Variants in SP3 observed in about 807,000 individuals in gnomAD.
SP3 encodes Sp3 transcription factor.
In SP3, 10 loss-of-function variants were observed where a neutral mutation model predicts 70.3. The observed-to-expected ratio is 0.14, with a 90% confidence interval of 0.09 to 0.24. SP3 has a LOEUF of 0.24. Among genes scored for constraint, SP3 ranks in the 10% least tolerant of loss-of-function variants. The pLI is 1.00. For missense variants in SP3, 825 were observed against 914.6 expected (o/e 0.90, Z 1.26); for synonymous variants, 402 against 333.5 (o/e 1.21, Z -2.24).
Position 173,904,018 on chromosome 2 carries a change from G to A in SP3, c.*5923C>T, listed in dbSNP as rs1372838865. On this transcript the variant is annotated 3_prime_UTR_variant, in exon 7 of 7. Coordinates refer to ENST00000310015, the MANE Select transcript of SP3 (RefSeq NM_003111.5). ...GGGTCGGGGGGTGGGGATGGTTGTA[G>A]GATGAAACTGCTCTACCTCAGATCA... 6.6e-6 allele frequency among the ~76,000 whole-genome samples: 1 copy of A among 151,978 alleles called. No homozygotes were observed. The highest frequency in any genetic ancestry group is 2.4e-5 in the African/African-American group (1 of 41,374).
intron 4 of SP3, among the ~76,000 whole-genome samples, chr2:173,925,131 G>A (rs1226422639): frequency 2.0e-5 from 3 of 152,104 alleles, no homozygotes; most frequent in East Asian, 1.9e-4. Context: ...CAGGTGATCC[G>A]CCCACCTTGG....
intron 3 of SP3, among the ~76,000 whole-genome samples, chr2:173,958,243 C>CA (rs1252195195): frequency 1.4e-5 from 2 of 145,730 alleles, no homozygotes; most frequent in Non-Finnish European, 3.0e-5. Context: ...TTAAAAAAAA[C>CA]AAAGTCAAAT....
chr2:173,942,366 G>T (rs2105483765), intron 4 of SP3, among the ~76,000 whole-genome samples: 1 of 152,288 alleles, frequency 6.6e-6, no homozygotes, highest in South Asian at 2.1e-4. Context: ...AGAAGTTCAA[G>T]ACCAGCCTGG....
chr2:173,949,714 T>C (rs1338181630), intron 4 of SP3, among the ~76,000 whole-genome samples: 3 of 152,166 alleles, frequency 2.0e-5, no homozygotes, highest in African/African-American at 7.2e-5. Flanking sequence ...CAAAAAAAGA[T>C]AGCTACCAGT....
At chr2:173,937,232 A>G (rs1017498722) in intron 4 of SP3, among the ~76,000 whole-genome samples, 25 of 152,208 alleles carry the variant, frequency 1.6e-4, no homozygotes, top group Admixed American at 1.4e-3. Flanking sequence ...GAAAGCAGCA[A>G]AGACATTTAT....
chr2:173,902,012 C>A lies in SP3; in HGVS notation c.*7929G>T, dbSNP rs1574388854. 6.6e-6 allele frequency among the ~76,000 whole-genome samples: 1 copy of A among 152,102 alleles called. No individual in the cohort carries two copies. Among genetic ancestry groups the A allele is most frequent in the African/African-American group, 2.4e-5 (1 of 41,414 alleles). Reference sequence around the variant, plus strand: ...CAAGCCTTCTTTTCAATATTCAACTCAAGAGAGTGGTCTACTATGTGAGAA... The same window carrying A: ...CAAGCCTTCTTTTCAATATTCAACTAAAGAGAGTGGTCTACTATGTGAGAA... On this transcript the variant is annotated 3_prime_UTR_variant, in exon 7 of 7. Transcript: ENST00000310015.
Position 173,910,128 on chromosome 2 carries a change from T to C in SP3, c.2159A>G (p.Glu720Gly), listed in dbSNP as rs1275748614. 6.2e-7 allele frequency: 1 copy of C among 1,612,620 alleles called. No homozygotes were observed. The highest frequency in any genetic ancestry group is 1.7e-5 in the Admixed American group (1 of 59,918). Reference protein sequence around the residue: ...HSSSTVLASVEAARDDTLITA... With the variant: ...HSSSTVLASVGAARDDTLITA... ...AATCAAAGTATCATCTCGCGCAGCT[T>C]CCACAGATGCCAGCACTGTACTGCT... The change falls in exon 7 of 7, where the codon GAA becomes GGA. Residue 720 changes from glutamate to glycine, a missense_variant. By Grantham distance (98) the Glu-to-Gly change is moderately conservative. Coordinates refer to ENST00000310015, the MANE Select transcript of SP3 (RefSeq NM_003111.5).
chr2:173,906,228 G>T lies in SP3; in HGVS notation c.*3713C>A, dbSNP rs368545868. On this transcript the variant is annotated 3_prime_UTR_variant, in exon 7 of 7. Transcript: ENST00000310015. ...TGCTGAGTTTCCCAGACTTCATGCA[G>T]AATTCTCCCTCTTCTAGGTTTCTAC... Among the ~76,000 whole-genome samples the T allele has an allele frequency of 1.3e-5, 2 of 152,100 alleles. No homozygotes were observed. Among genetic ancestry groups the T allele is most frequent in the African/African-American group, 4.8e-5 (2 of 41,400 alleles).
chr2:173,924,735 T>A (rs1689861213), intron 4 of SP3, among the ~76,000 whole-genome samples: 1 of 152,162 alleles, frequency 6.6e-6, no homozygotes, highest in African/African-American at 2.4e-5. Flanking sequence ...AAAGATCAAC[T>A]CCCTACCAGG....
At chr2:173,933,025 T>G (rs955209041) in intron 4 of SP3, among the ~76,000 whole-genome samples, 2 of 151,964 alleles carry the variant, frequency 1.3e-5, no homozygotes, top group Admixed American at 1.3e-4. Context: ...TGAAAAGGTT[T>G]GAAATATTCC....
At chr2:173,936,628 T>C (rs1202851855) in intron 4 of SP3, among the ~76,000 whole-genome samples, 1 of 152,204 alleles carries the variant, frequency 6.6e-6, no homozygotes, top group Admixed American at 6.5e-5. Context: ...AATACAGATG[T>C]ATAATCTAAA....
chr2:173,954,836 T>C lies in SP3; in HGVS notation c.1639+37A>G, dbSNP rs371207013. 213 of 1,589,660 alleles carry C rather than the reference T, an allele frequency of 1.3e-4. No homozygotes were observed. In the African/African-American group the frequency reaches 2.0e-3, roughly 15 times the overall value. On this transcript the variant is annotated intron_variant, in intron 4 of 6. Coordinates refer to ENST00000310015, the MANE Select transcript of SP3 (RefSeq NM_003111.5). ...AAAATTTCCCTCTATGTATTATCAC[T>C]GAACTTATTTATGGCATGACATAAC...
At chr2:173,943,930 C>T (rs1279169185) in intron 4 of SP3, among the ~76,000 whole-genome samples, 1 of 152,154 alleles carries the variant, frequency 6.6e-6, no homozygotes, top group African/African-American at 2.4e-5. Flanking sequence ...TGTTCACAGG[C>T]TAAGAACCTG....
rs1157920249 is a variant in SP3, at chr2:173,902,017, G to A, written c.*7924C>T. 6.6e-6 allele frequency among the ~76,000 whole-genome samples: 1 copy of A among 152,114 alleles called. No individual in the cohort carries two copies. The highest frequency in any genetic ancestry group is 1.5e-5 in the Non-Finnish European group (1 of 68,024). On this transcript the variant is annotated 3_prime_UTR_variant, in exon 7 of 7. Transcript: ENST00000310015. Reference sequence around the variant, plus strand: ...CTTCTTTTCAATATTCAACTCAAGAGAGTGGTCTACTATGTGAGAAGACCC... The same window carrying A: ...CTTCTTTTCAATATTCAACTCAAGAAAGTGGTCTACTATGTGAGAAGACCC...
chr2:173,916,931 GA>G (rs1689631655), intron 5 of SP3: 1 of 152,030 alleles, frequency 6.6e-6, no homozygotes, highest in African/African-American at 2.4e-5. Flanking sequence ...ATATAGACTT[GA>G]AAATATGGTC....
chr2:173,965,245 G>C lies in SP3; in HGVS notation c.-74C>G. On this transcript the variant is annotated 5_prime_UTR_variant, in exon 1 of 7. Coordinates refer to ENST00000310015, the MANE Select transcript of SP3 (RefSeq NM_003111.5). ...GTGAGGAGCGAAGGCGGCGGCGGCGGGAGAGGATGCGGGAAGCGGCGGCGG... is the reference window on the plus strand; with the variant it reads ...GTGAGGAGCGAAGGCGGCGGCGGCGCGAGAGGATGCGGGAAGCGGCGGCGG... The C allele has an allele frequency of 6.5e-7, 1 of 1,527,102 alleles. No individual in the cohort carries two copies. The highest frequency in any genetic ancestry group is 8.9e-7 in the Non-Finnish European group (1 of 1,128,848). 94.6% of individuals were successfully genotyped at this position (1,527,102 alleles called of 1,614,324 possible).
intron 3 of SP3, among the ~76,000 whole-genome samples, chr2:173,962,090 T>A (rs1301257798): frequency 6.6e-6 from 1 of 152,118 alleles, no homozygotes. Flanking sequence ...AGTGATTTGG[T>A]AATTCAGAAA....
In SP3 at chr2:173,963,741, G is replaced by C; in HGVS notation, c.279+20C>G. 2 of 989,984 alleles carry C rather than the reference G, an allele frequency of 2.0e-6. No individual in the cohort carries two copies. Among genetic ancestry groups the C allele is most frequent in the South Asian group, 4.6e-5 (1 of 21,672 alleles). The allele number at this position is 989,984 out of a possible 1,614,324, so 61.3% of individuals were successfully genotyped here. A position where few individuals can be genotyped will look rare whatever the true frequency, so the allele number is the denominator to read the frequency against. On this transcript the variant is annotated intron_variant, in intron 3 of 6. Coordinates refer to ENST00000310015, the MANE Select transcript of SP3 (RefSeq NM_003111.5). ...GCGGGCGCCCGGCCTCGGCGGGGGC[G>C]GGCCGCGCGCGGGACTTACCGCTCC... is the stretch of plus-strand genomic sequence containing the variant.
rs1689311547 is a variant in SP3 at position 173,906,084 on chromosome 2, CAAAAAAAA to C, written c.*3849_*3856del. On this transcript the variant is annotated 3_prime_UTR_variant, in exon 7 of 7. Transcript: ENST00000310015. The stretch of plus-strand genomic sequence containing the variant: ...TTCCAAAAAGACTAGGAATCACTGA[CAAAAAAAA>C]TTCTTCTCTTTTGCAATTTGGCAGC... Among the ~76,000 whole-genome samples the C allele has an allele frequency of 6.6e-6, 1 of 151,878 alleles. No homozygotes were observed. Among genetic ancestry groups the C allele is most frequent in the South Asian group, 2.1e-4 (1 of 4,824 alleles).
Sources: allele counts gnomAD v4.1 joint callset (sites outside exome capture counted in the v4.1 genomes callset), GRCh38; gene constraint gnomAD v4.1.1; transcripts MANE v1.5; gene names NCBI Gene and HGNC (gene_info 2026-07-23, HGNC 2026-07-21).